The following COL4A5 variants were observed in gnomAD, a reference collection of about 807,000 sequenced individuals.
COL4A5 encodes collagen alpha-5(IV) chain.
Under a neutral mutation model 130.2 loss-of-function variants are expected in COL4A5, and 26 were observed. The ratio of observed to expected loss-of-function variants is 0.20; its 90% CI spans 0.15 to 0.28. COL4A5 has a LOEUF of 0.28. Ranked by LOEUF, COL4A5 falls within the 10% of genes least tolerant of loss-of-function variation. COL4A5 has a pLI of 1.00. For missense variants in COL4A5, 1,131 were observed against 1,344.3 expected (o/e 0.84, Z 2.48); for synonymous variants, 496 against 439.6 (o/e 1.13, Z -1.60).
chrX:108,652,141 G>T (rs1285443991), intron 36 of COL4A5, among the ~76,000 whole-genome samples: 1 of 111,647 alleles, frequency 9.0e-6, no homozygotes, highest in Non-Finnish European at 1.9e-5. Context: ...GGAGGTGATG[G>T]ATATGTGTAG....
intron 1 of COL4A5, among the ~76,000 whole-genome samples, chrX:108,518,021 T>C (rs2065235945): frequency 9.0e-6 from 1 of 111,224 alleles, no homozygotes; most frequent in African/African-American, 3.3e-5. Flanking sequence ...GCCAACACTA[T>C]ATAAAATAAA....
intron 36 of COL4A5, chrX:108,626,729 A>T (rs2067160187): frequency 2.3e-6 from 2 of 888,686 alleles, no homozygotes; most frequent in Non-Finnish European, 2.8e-6. Context: ...GTGACAGTTA[A>T]TGCTAATGTA....
chrX:108,502,294 G>GT (rs950169641), intron 1 of COL4A5, among the ~76,000 whole-genome samples: 1 of 103,987 alleles, frequency 9.6e-6, no homozygotes. Flanking sequence ...GTTTTGTTTT[G>GT]TTTTTTTGGA....
chrX:108,532,009 C>G (rs746419972), intron 1 of COL4A5, among the ~76,000 whole-genome samples: 1 of 111,203 alleles, frequency 9.0e-6, no homozygotes, highest in Non-Finnish European at 1.9e-5. Context: ...AACAATCGTA[C>G]AAGACAGAAA....
intron 3 of COL4A5, among the ~76,000 whole-genome samples, chrX:108,559,415 A>G (rs1740573105): frequency 8.9e-6 from 1 of 112,393 alleles, no homozygotes; most frequent in Non-Finnish European, 1.9e-5. Flanking sequence ...TTCTGTCAAG[A>G]GCTTAGCTGA....
rs2068734214 is a variant in COL4A5 at position 108,696,373 on chromosome X, A to G, written c.5071A>G (p.Thr1691Ala). The G allele has an allele frequency of 8.3e-7, 1 of 1,198,693 alleles. No individual in the cohort carries two copies. The highest frequency in any genetic ancestry group is 2.2e-5 in the Admixed American group (1 of 45,601). ...ISRCQVCMKR[T>A] is the part of the protein sequence containing the mutation. ...CCGATGTCAAGTGTGCATGAAGAGG[A>G]CATAACATTTTGAAGAATTCCTTTT... is the stretch of plus-strand genomic sequence containing the variant. The change falls in exon 53 of 53, where the codon ACA becomes GCA. Residue 1691 changes from threonine (T) to alanine (A), a missense_variant. Physicochemically the swap from Thr to Ala is moderately conservative, Grantham distance 58. Coordinates refer to ENST00000328300, the MANE Select transcript of COL4A5 (RefSeq NM_033380.3).
intron 44 of COL4A5, among the ~76,000 whole-genome samples, chrX:108,678,374 G>A (rs2068351250): frequency 9.0e-6 from 1 of 111,129 alleles, no homozygotes. Flanking sequence ...CAGTTACCTA[G>A]ACTTAAAAAT....
intron 1 of COL4A5, among the ~76,000 whole-genome samples, chrX:108,459,016 T>C (rs770209935): frequency 3.9e-4 from 44 of 111,466 alleles, no homozygotes; most frequent in Middle Eastern, 9.3e-3. Context: ...CTCTCAGCAA[T>C]GTTTTCAGTG....
chrX:108,488,222 T>C (rs1408591802), intron 1 of COL4A5, among the ~76,000 whole-genome samples: 2 of 112,605 alleles, frequency 1.8e-5, no homozygotes, highest in African/African-American at 6.4e-5. Context: ...CCCCCAGTTG[T>C]TTTTACACAT....
At chrX:108,554,407 A>G (rs1190874929) in intron 2 of COL4A5, among the ~76,000 whole-genome samples, 2 of 110,809 alleles carry the variant, frequency 1.8e-5, no homozygotes, top group East Asian at 5.7e-4. Context: ...GTGAGAACCC[A>G]CTCACTATCA....
intron 1 of COL4A5, among the ~76,000 whole-genome samples, chrX:108,458,048 T>C (rs1365499873): frequency 3.6e-5 from 4 of 112,312 alleles, no homozygotes; most frequent in Non-Finnish European, 7.5e-5. Flanking sequence ...TTTTCTTACC[T>C]ATAATTTTCA....
intron 36 of COL4A5, among the ~76,000 whole-genome samples, chrX:108,641,044 C>G (rs1200087877): frequency 1.8e-5 from 2 of 111,593 alleles, no homozygotes; most frequent in Admixed American, 9.5e-5. Context: ...TTCACACTTA[C>G]TTGAGTAGGC....
chrX:108,696,717 C>T lies in COL4A5; in HGVS notation c.*339C>T, dbSNP rs2068742025. ...AAAAATTCAATTAAGAGAAGAGTCA[C>T]ATTGAGTAAAATAAAAGACTGCAGT... On this transcript the variant is annotated 3_prime_UTR_variant, in exon 53 of 53. Transcript: ENST00000328300. The T allele has an allele frequency of 1.4e-5, 2 of 142,579 alleles. No individual in the cohort carries two copies. Among genetic ancestry groups the T allele is most frequent in the Admixed American group, 7.8e-5 (1 of 12,839 alleles). 11.8% of individuals were successfully genotyped at this position (142,579 alleles called of 1,213,427 possible).
Position 108,649,636 on chromosome X carries a change from A to C in COL4A5, c.3247-5695A>C, listed in dbSNP as rs183957308. Among the ~76,000 whole-genome samples, 17 of 111,473 alleles carry C rather than the reference A, an allele frequency of 1.5e-4. 1 individual carries two copies. The highest frequency in any genetic ancestry group is 9.5e-4 in the Admixed American group (10 of 10,476). Reference sequence around the variant, plus strand: ...ACAGCCAACGGATCTTAGATAAAGCAAACAAAAACATAAAATGGGGAAATG... The same window carrying C: ...ACAGCCAACGGATCTTAGATAAAGCCAACAAAAACATAAAATGGGGAAATG... On this transcript the variant is annotated intron_variant, in intron 36 of 52. Coordinates refer to ENST00000328300, the MANE Select transcript of COL4A5 (RefSeq NM_033380.3).
At chrX:108,530,271 A>G (rs988772460) in intron 1 of COL4A5, among the ~76,000 whole-genome samples, 2 of 111,816 alleles carry the variant, frequency 1.8e-5, no homozygotes, top group African/African-American at 3.3e-5. Context: ...CTGAAAATAC[A>G]TGGAAATTAA....
At chrX:108,690,340 G>T (rs2068623977) in intron 49 of COL4A5, among the ~76,000 whole-genome samples, 1 of 111,330 alleles carries the variant, frequency 9.0e-6, no homozygotes, top group Non-Finnish European at 1.9e-5. Context: ...TTTTGAAAGG[G>T]ATAAATTAGA....
At chrX:108,491,304 T>C in intron 1 of COL4A5, among the ~76,000 whole-genome samples, 1 of 111,265 alleles carries the variant, frequency 9.0e-6, no homozygotes, top group East Asian at 2.8e-4. Flanking sequence ...ATGGCTAGAG[T>C]GGGGTCTGCT....
At chrX:108,516,610 G>A (rs1196630481) in intron 1 of COL4A5, among the ~76,000 whole-genome samples, 1 of 111,427 alleles carries the variant, frequency 9.0e-6, no homozygotes, top group Non-Finnish European at 1.9e-5. Flanking sequence ...TAAAATTAAG[G>A]TTCATCTTAT....
At chrX:108,472,200 T>A (rs1871076769) in intron 1 of COL4A5, among the ~76,000 whole-genome samples, 1 of 112,022 alleles carries the variant, frequency 8.9e-6, no homozygotes, top group Non-Finnish European at 1.9e-5. Flanking sequence ...TGATTGGAGA[T>A]TACATTTTGT....
Sources: allele counts gnomAD v4.1 joint callset (sites outside exome capture counted in the v4.1 genomes callset), GRCh38; gene constraint gnomAD v4.1.1; transcripts MANE v1.5; gene names NCBI Gene and HGNC (gene_info 2026-07-23, HGNC 2026-07-21).